NUAK1: variants seen among roughly 807,000 people sequenced by gnomAD.
NUAK1 encodes the protein NUAK family SNF1-like kinase 1.
A neutral mutation model predicts 56.9 loss-of-function variants in NUAK1; 26 were observed. The observed-to-expected ratio is 0.46, with a 90% CI of 0.33 to 0.63. The LOEUF (loss-of-function observed/expected upper bound fraction) is 0.63, where lower values mean the gene tolerates loss of function less well. NUAK1 is among the 30% of genes least tolerant of loss of function. The pLI is 0.02. For synonymous variants in NUAK1, 337 were observed against 336.0 expected (o/e 1.00, Z -0.03); for missense variants, 727 against 876.1 (o/e 0.83, Z 2.15).
At chr12:106,095,515 G>A (rs984859699) in intron 2 of NUAK1, among the ~76,000 whole-genome samples, 17 of 152,178 alleles carry the variant, frequency 1.1e-4, no homozygotes, top group Non-Finnish European at 2.5e-4. Context: ...TAGCCTTTCC[G>A]TACCTGCAGG....
intron 4 of NUAK1, 78 bp from the exon 5 acceptor site, chr12:106,072,921 A>G: frequency 6.5e-7 from 1 of 1,538,648 alleles, no homozygotes; most frequent in African/African-American, 1.4e-5. Flanking sequence ...CACACCACAC[A>G]GCACACAGAG....
At chr12:106,114,941 C>T (rs564852716) in intron 1 of NUAK1, among the ~76,000 whole-genome samples, 57 of 152,334 alleles carry the variant, frequency 3.7e-4, no homozygotes, top group Middle Eastern at 3.4e-3. Flanking sequence ...CATCTAATGT[C>T]TGTCCTCACA....
At chr12:106,080,317 G>A (rs1420141703) in intron 4 of NUAK1, among the ~76,000 whole-genome samples, 1 of 152,214 alleles carries the variant, frequency 6.6e-6, no homozygotes. Context: ...CTTGGAGGAG[G>A]TCGGCTGACC....
At chr12:106,105,163 G>A (rs1457222071) in intron 2 of NUAK1, among the ~76,000 whole-genome samples, 1 of 152,008 alleles carries the variant, frequency 6.6e-6, no homozygotes, top group Non-Finnish European at 1.5e-5. Context: ...ATGTTGGCCA[G>A]GCTGGTCTCG....
intron 2 of NUAK1, among the ~76,000 whole-genome samples, chr12:106,096,188 A>G (rs1360681325): frequency 6.6e-6 from 1 of 152,140 alleles, no homozygotes; most frequent in Non-Finnish European, 1.5e-5. Flanking sequence ...AGTGTCAAGT[A>G]TAAGTGTCAT....
chr12:106,113,538 G>A (rs1273178199), intron 1 of NUAK1, among the ~76,000 whole-genome samples: 1 of 151,804 alleles, frequency 6.6e-6, no homozygotes, highest in Non-Finnish European at 1.5e-5. Flanking sequence ...GGGCAGACCT[G>A]GTATCAGCAT....
At chr12:106,116,935 G>A (rs7298228) in intron 1 of NUAK1, among the ~76,000 whole-genome samples, 24,456 of 152,168 alleles carry the variant, frequency 0.16, 5,378 homozygotes, top group African/African-American at 0.5. Flanking sequence ...AGAATGAGTC[G>A]ATTCCACAGC....
At chr12:106,091,051 A>G (rs1592852781) in intron 2 of NUAK1, among the ~76,000 whole-genome samples, 1 of 152,202 alleles carries the variant, frequency 6.6e-6, no homozygotes, top group Admixed American at 6.5e-5. Flanking sequence ...CTACAAGGTG[A>G]CAGGGATACT....
intron 1 of NUAK1, among the ~76,000 whole-genome samples, chr12:106,116,306 G>A (rs1291571222): frequency 3.3e-5 from 5 of 152,068 alleles, no homozygotes; most frequent in Admixed American, 2.0e-4. Flanking sequence ...CCTTTCAAAC[G>A]TGGAATCCCT....
At chr12:106,099,578 G>C (rs1037475698) in intron 2 of NUAK1, among the ~76,000 whole-genome samples, 2 of 152,092 alleles carry the variant, frequency 1.3e-5, no homozygotes, top group Non-Finnish European at 2.9e-5. Context: ...AGTTCTGAGT[G>C]TTGCTGCCTG....
intron 2 of NUAK1, among the ~76,000 whole-genome samples, chr12:106,089,003 G>A (rs376158930): frequency 2.1e-4 from 32 of 152,332 alleles, no homozygotes; most frequent in African/African-American, 6.0e-4. Flanking sequence ...CTGCTCCAGC[G>A]TCTGCTGGCC....
chr12:106,116,240 A>G lies in NUAK1; in HGVS notation c.241-9715T>C, dbSNP rs117457326. 5.9e-3 allele frequency among the ~76,000 whole-genome samples: 900 copies of G among 152,302 alleles called. 9 individuals are homozygous for G. The highest frequency in any genetic ancestry group is 9.2e-3 in the Non-Finnish European group (627 of 68,030). ...GAAAACCATAGTGGGACATCTGATC[A>G]TTCCAGCCAACCTAAACCCCAGCCA... On this transcript the variant is annotated intron_variant, in intron 1 of 6. Transcript: ENST00000261402.
At chr12:106,132,642 C>T (rs184630913) in intron 1 of NUAK1, among the ~76,000 whole-genome samples, 3 of 152,300 alleles carry the variant, frequency 2.0e-5, no homozygotes, top group Non-Finnish European at 2.9e-5. Flanking sequence ...CTGTATGTGT[C>T]CAGGTGAAGA....
chr12:106,116,385 C>T (rs1337818288), intron 1 of NUAK1, among the ~76,000 whole-genome samples: 1 of 152,170 alleles, frequency 6.6e-6, no homozygotes, highest in Admixed American at 6.5e-5. Flanking sequence ...GTGCCCACTC[C>T]AGAGGGGTTG....
At chr12:106,113,959 C>T (rs1389326637) in intron 1 of NUAK1, among the ~76,000 whole-genome samples, 1 of 152,160 alleles carries the variant, frequency 6.6e-6, no homozygotes, top group African/African-American at 2.4e-5. Context: ...ATATCAGATT[C>T]AAAGAAAGAC....
intron 1 of NUAK1, among the ~76,000 whole-genome samples, chr12:106,108,647 C>G (rs2032829057): frequency 6.6e-6 from 1 of 152,182 alleles, no homozygotes; most frequent in African/African-American, 2.4e-5. Context: ...GGAACAACTC[C>G]TACATTCCTC....
chr12:106,092,951 G>A (rs558613394), intron 2 of NUAK1, among the ~76,000 whole-genome samples: 71 of 152,256 alleles, frequency 4.7e-4, no homozygotes, highest in Non-Finnish European at 5.0e-4. Flanking sequence ...ATTATCAGCC[G>A]ATTTGAGGCA....
intron 1 of NUAK1, among the ~76,000 whole-genome samples, chr12:106,113,595 G>A (rs888921288): frequency 2.0e-5 from 3 of 151,496 alleles, no homozygotes; most frequent in Non-Finnish European, 4.4e-5. Context: ...AGGTTTGAGA[G>A]CAGTCACCTT....
chr12:106,130,708 G>C (rs572395124), intron 1 of NUAK1, among the ~76,000 whole-genome samples: 1 of 152,376 alleles, frequency 6.6e-6, no homozygotes, highest in Middle Eastern at 3.4e-3. Flanking sequence ...TAGGAGAGGG[G>C]CTGCTTCTGG....
Sources: allele counts gnomAD v4.1 joint callset (sites outside exome capture counted in the v4.1 genomes callset), GRCh38; gene constraint gnomAD v4.1.1; transcripts MANE v1.5; gene names NCBI Gene and HGNC (gene_info 2026-07-23, HGNC 2026-07-21).